CFDP1: variants seen among roughly 807,000 people sequenced by gnomAD.
CFDP1 encodes chromatin remodeling protein CFDP1.
In CFDP1, 31 loss-of-function variants were observed where a neutral mutation model predicts 40.1. The observed-to-expected ratio is 0.77, with a 90% confidence interval of 0.58 to 1.04. The LOEUF (loss-of-function observed/expected upper bound fraction) is 1.04. Among genes scored for constraint, CFDP1 ranks in the 50% least tolerant of loss-of-function variants. The pLI is 0.00. For synonymous variants in CFDP1, 167 were observed against 120.0 expected (o/e 1.39, Z -2.56); for missense variants, 423 against 343.4 (o/e 1.23, Z -1.83).
intron 5 of CFDP1, among the ~76,000 whole-genome samples, chr16:75,358,199 G>C (rs1282681939): frequency 6.6e-6 from 1 of 152,122 alleles, no homozygotes; most frequent in Admixed American, 6.5e-5. Flanking sequence ...ATAGGACAGA[G>C]ACATGAAGTA....
intron 5 of CFDP1, among the ~76,000 whole-genome samples, chr16:75,348,082 G>T (rs1234441906): frequency 6.6e-6 from 1 of 152,204 alleles, no homozygotes; most frequent in African/African-American, 2.4e-5. Flanking sequence ...AAAATCTGAA[G>T]TCTATCGTTT....
At chr16:75,382,824 G>A (rs1032244695) in intron 5 of CFDP1, among the ~76,000 whole-genome samples, 4 of 152,240 alleles carry the variant, frequency 2.6e-5, no homozygotes, top group Non-Finnish European at 5.9e-5. Flanking sequence ...ATTTGACTGT[G>A]GGGGAAAACT....
intron 6 of CFDP1, among the ~76,000 whole-genome samples, chr16:75,302,169 A>AC: frequency 6.6e-6 from 1 of 152,302 alleles, no homozygotes; most frequent in East Asian, 1.9e-4. Flanking sequence ...CTCACTAGGC[A>AC]GATGTTCTTT....
At chr16:75,316,436 G>A (rs1567643100) in intron 5 of CFDP1, among the ~76,000 whole-genome samples, 1 of 152,076 alleles carries the variant, frequency 6.6e-6, no homozygotes, top group Admixed American at 6.5e-5. Context: ...GCAGTGTGCT[G>A]GCTCACGCCT....
At chr16:75,395,652 C>T (rs1341663353) in intron 4 of CFDP1, among the ~76,000 whole-genome samples, 1 of 151,870 alleles carries the variant, frequency 6.6e-6, no homozygotes, top group African/African-American at 2.4e-5. Flanking sequence ...GCACGAGACA[C>T]CGTCTCAAAA....
chr16:75,306,217 G>A (rs1317624343), intron 5 of CFDP1, among the ~76,000 whole-genome samples: 1 of 152,158 alleles, frequency 6.6e-6, no homozygotes. Flanking sequence ...TAGAATGTTT[G>A]TTCTCCAAGT....
chr16:75,361,996 G>A (rs147118398), intron 5 of CFDP1, among the ~76,000 whole-genome samples: 1 of 152,248 alleles, frequency 6.6e-6, no homozygotes, highest in East Asian at 1.9e-4. Context: ...CCTACAGGAA[G>A]TCATTTGTAC....
intron 2 of CFDP1, 95 bp downstream of exon 2, chr16:75,414,483 C>G (rs1007396720): frequency 2.7e-6 from 2 of 744,684 alleles, no homozygotes; most frequent in Non-Finnish European, 4.7e-6. Context: ...GTTAGAAACT[C>G]TGGCTTCATT....
intron 5 of CFDP1, among the ~76,000 whole-genome samples, chr16:75,315,633 A>C (rs1300548270): frequency 3.3e-5 from 5 of 152,164 alleles, no homozygotes; most frequent in Non-Finnish European, 5.9e-5. Context: ...ATTTATCTAA[A>C]TACGCTTCAC....
chr16:75,417,798 T>A (rs1450365537), intron 1 of CFDP1, among the ~76,000 whole-genome samples: 3 of 151,802 alleles, frequency 2.0e-5, no homozygotes, highest in African/African-American at 7.3e-5. Flanking sequence ...TACATCTTCA[T>A]CAAGATGCAT....
chr16:75,415,343 T>C (rs1421285560), intron 1 of CFDP1, among the ~76,000 whole-genome samples: 1 of 152,166 alleles, frequency 6.6e-6, no homozygotes, highest in Non-Finnish European at 1.5e-5. Flanking sequence ...CCACTACCTT[T>C]TTCCTCTTTT....
chr16:75,416,966 T>C (rs980946186), intron 1 of CFDP1, among the ~76,000 whole-genome samples: 1 of 152,078 alleles, frequency 6.6e-6, no homozygotes, highest in Admixed American at 6.6e-5. Context: ...CATAGAAATG[T>C]AATTTTACTT....
chr16:75,394,829 ATTT>A, intron 5 of CFDP1: 5 of 235,776 alleles, frequency 2.1e-5, no homozygotes, highest in South Asian at 1.8e-4. Context: ...TGCCCAGCTA[ATTT>A]TTTTTTTTTT....
At chr16:75,310,773 A>G (rs2078289301) in intron 5 of CFDP1, among the ~76,000 whole-genome samples, 1 of 152,214 alleles carries the variant, frequency 6.6e-6, no homozygotes, top group Admixed American at 6.5e-5. Context: ...GTAACTTGCC[A>G]AGTGGAAAGG....
At chr16:75,410,867 C>G (rs1185217533) in intron 4 of CFDP1, among the ~76,000 whole-genome samples, 3 of 147,550 alleles carry the variant, frequency 2.0e-5, no homozygotes, top group Non-Finnish European at 4.5e-5. Flanking sequence ...CGAGACTGTG[C>G]CACTGCACTC....
At chr16:75,391,109 C>A (rs7185976) in intron 5 of CFDP1, among the ~76,000 whole-genome samples, 10,158 of 152,300 alleles carry the variant, frequency 0.067, 368 homozygotes, top group Middle Eastern at 0.13. Flanking sequence ...GCTGCCATTT[C>A]TCCATTCTTT....
At chr16:75,369,988 G>C (rs1021885697) in intron 5 of CFDP1, among the ~76,000 whole-genome samples, 1 of 152,072 alleles carries the variant, frequency 6.6e-6, no homozygotes, top group South Asian at 2.1e-4. Context: ...CGTCCAGGCT[G>C]GTCTCAAACT....
In CFDP1 at chr16:75,319,200, T is replaced by C. The variant is rs370145699; in HGVS notation, c.651-14018A>G. Reference sequence around the variant, plus strand: ...CTGGGATTACAGGCACATGCCACCATGCCCAGCTAATTTTTGTATTTTTAG... The same window carrying C: ...CTGGGATTACAGGCACATGCCACCACGCCCAGCTAATTTTTGTATTTTTAG... On this transcript the variant is annotated intron_variant, in intron 5 of 6. Coordinates refer to ENST00000283882, the MANE Select transcript of CFDP1 (RefSeq NM_006324.3). 3.5e-4 allele frequency among the ~76,000 whole-genome samples: 54 copies of C among 152,210 alleles called. No homozygotes were observed. In the East Asian group the frequency reaches 0.01, roughly 29 times the overall value.
At chr16:75,400,485 GGGCTAAAACC>G (rs2079042101) in intron 4 of CFDP1, among the ~76,000 whole-genome samples, 1 of 152,104 alleles carries the variant, frequency 6.6e-6, no homozygotes, top group African/African-American at 2.4e-5. Flanking sequence ...GAAAGGAATA[GGGCTAAAACC>G]AGTTGGAATT....
Sources: allele counts gnomAD v4.1 joint callset (sites outside exome capture counted in the v4.1 genomes callset), GRCh38; gene constraint gnomAD v4.1.1; transcripts MANE v1.5; gene names NCBI Gene and HGNC (gene_info 2026-07-23, HGNC 2026-07-21).